FRK: variants seen among roughly 807,000 people sequenced by gnomAD.
The protein encoded by FRK is fyn related Src family tyrosine kinase, also known as tyrosine-protein kinase FRK.
Under a neutral mutation model 56.4 loss-of-function variants are expected in FRK, and 51 were observed. The observed-to-expected ratio is 0.90, with a 90% CI of 0.72 to 1.14. FRK has a LOEUF of 1.14. FRK is among the 50% of genes most tolerant of loss of function. The pLI is 0.00. For synonymous variants in FRK, 245 were observed against 217.9 expected, an observed-to-expected ratio of 1.12 and a Z score of -1.10; for missense variants, 570 against 601.4, an observed-to-expected ratio of 0.95 and a Z score of 0.55.
At chr6:116,037,355 A>G (rs1776526744) in intron 1 of FRK, among the ~76,000 whole-genome samples, 1 of 152,196 alleles carries the variant, frequency 6.6e-6, no homozygotes, top group Non-Finnish European at 1.5e-5. Context: ...AAAGTGTAAT[A>G]GATAATTTGG....
chr6:116,037,399 G>A (rs1202832897), intron 1 of FRK, among the ~76,000 whole-genome samples: 2 of 152,096 alleles, frequency 1.3e-5, no homozygotes, highest in Non-Finnish European at 2.9e-5. Flanking sequence ...GGGAAGAAAT[G>A]GGCTTAATTC....
chr6:115,992,778 G>A (rs1308660838), intron 2 of FRK, among the ~76,000 whole-genome samples: 1 of 151,698 alleles, frequency 6.6e-6, no homozygotes, highest in Non-Finnish European at 1.5e-5. Flanking sequence ...GATTAGACAA[G>A]AAATGGCTTT....
In FRK at chr6:116,060,550, A is replaced by G. The variant is rs576613930; in HGVS notation, c.-239T>C. On this transcript the variant is annotated 5_prime_UTR_variant, in exon 1 of 8. Coordinates refer to ENST00000606080, the MANE Select transcript of FRK (RefSeq NM_002031.3). ...GTGCTACCCCGAGGCAAAACTGAGC[A>G]GGAGCTGGGCAGCTGCTCACTAGGA... 1.6e-3 allele frequency: 796 copies of G among 489,204 alleles called. 1 individual carries two copies. Among genetic ancestry groups the G allele is most frequent in the Non-Finnish European group, 2.6e-3 (701 of 274,754 alleles). The allele number at this position is 489,204 out of a possible 1,614,324, so 30.3% of individuals were successfully genotyped here.
intron 5 of FRK, among the ~76,000 whole-genome samples, chr6:115,954,268 C>T (rs762274496): frequency 1.3e-5 from 2 of 152,090 alleles, no homozygotes; most frequent in Admixed American, 1.3e-4. Context: ...AAGATGAGAT[C>T]CGAGAGGGAA....
At chr6:116,100,520 C>T in the FRK span, among the ~76,000 whole-genome samples, 1 of 152,218 alleles carries the variant, frequency 6.6e-6, no homozygotes, top group Non-Finnish European at 1.5e-5. Context: ...CCGAGGCGCC[C>T]TGAGGCGATG....
chr6:116,049,985 T>C (rs1014998514), intron 1 of FRK, among the ~76,000 whole-genome samples: 2 of 152,158 alleles, frequency 1.3e-5, no homozygotes, highest in African/African-American at 4.8e-5. Flanking sequence ...TCCAACTATT[T>C]GTGTCTTCAT....
the FRK span, among the ~76,000 whole-genome samples, chr6:116,071,988 C>T: frequency 6.6e-6 from 1 of 152,024 alleles, no homozygotes; most frequent in Non-Finnish European, 1.5e-5. Flanking sequence ...GTTGAACATC[C>T]CCTGCTAGAT....
intron 1 of FRK, among the ~76,000 whole-genome samples, chr6:116,045,816 T>C (rs1324014223): frequency 1.9e-4 from 29 of 152,150 alleles, no homozygotes; most frequent in Admixed American, 1.9e-3. Flanking sequence ...CTAAAGAGCT[T>C]CTGCACAGCA....
intron 3 of FRK, among the ~76,000 whole-genome samples, chr6:115,968,196 C>T (rs961056212): frequency 6.6e-6 from 1 of 152,044 alleles, no homozygotes. Flanking sequence ...GTTACTCATT[C>T]ATTTAGTAAG....
At chr6:116,035,753 C>CT (rs1776457854) in intron 1 of FRK, among the ~76,000 whole-genome samples, 1 of 151,920 alleles carries the variant, frequency 6.6e-6, no homozygotes, top group African/African-American at 2.4e-5. Flanking sequence ...ACTGCACTCA[C>CT]TTTTTTTTCA....
At chr6:115,946,251 G>C (rs188671469) in intron 5 of FRK, among the ~76,000 whole-genome samples, 10 of 152,200 alleles carry the variant, frequency 6.6e-5, no homozygotes, top group Admixed American at 4.6e-4. Flanking sequence ...CTGGTTTGAA[G>C]CTAGAGGGCC....
At chr6:116,001,206 C>A (rs1273936838) in intron 2 of FRK, among the ~76,000 whole-genome samples, 5 of 151,382 alleles carry the variant, frequency 3.3e-5, no homozygotes, top group African/African-American at 1.2e-4. Flanking sequence ...CCACTGCACT[C>A]CAGCCTGGTC....
At chr6:115,980,359 T>C (rs1774151816) in intron 2 of FRK, among the ~76,000 whole-genome samples, 1 of 152,074 alleles carries the variant, frequency 6.6e-6, no homozygotes, top group Non-Finnish European at 1.5e-5. Context: ...ATGTAAAATG[T>C]ATTAAGTGAA....
the FRK span, among the ~76,000 whole-genome samples, chr6:116,088,033 T>A: frequency 1.3e-5 from 2 of 152,198 alleles, no homozygotes; most frequent in Non-Finnish European, 2.9e-5. Flanking sequence ...GGGTAAACAC[T>A]CAGCCTCTCC....
chr6:115,942,936 C>T, intron 7 of FRK, 84 bp downstream of exon 7: 1 of 1,376,822 alleles, frequency 7.3e-7, no homozygotes, highest in Non-Finnish European at 1.0e-6. Flanking sequence ...TAACTCTGCC[C>T]TCTAAGTCTG....
At chr6:116,084,434 T>A in the FRK span, among the ~76,000 whole-genome samples, 1 of 152,222 alleles carries the variant, frequency 6.6e-6, no homozygotes, top group Non-Finnish European at 1.5e-5. Context: ...AGCTGGGGAC[T>A]GACTGTTTTC....
intron 1 of FRK, among the ~76,000 whole-genome samples, chr6:116,024,753 T>C (rs1459942014): frequency 6.6e-6 from 1 of 152,152 alleles, no homozygotes; most frequent in Non-Finnish European, 1.5e-5. Flanking sequence ...TATAGCAGCA[T>C]GATTTATAGT....
chr6:115,988,637 C>T (rs1374802209), intron 2 of FRK, among the ~76,000 whole-genome samples: 1 of 151,930 alleles, frequency 6.6e-6, no homozygotes, highest in Non-Finnish European at 1.5e-5. Flanking sequence ...GAAAGCCCTC[C>T]AGTGGCCCAC....
At chr6:116,009,894 C>A (rs569490714) in intron 1 of FRK, among the ~76,000 whole-genome samples, 1 of 152,148 alleles carries the variant, frequency 6.6e-6, no homozygotes, top group East Asian at 1.9e-4. Context: ...GGGTAAATTA[C>A]AAATATTAGG....
Sources: gnomAD v4.1 joint callset for allele counts (sites outside exome capture counted in the v4.1 genomes callset) on GRCh38, gnomAD v4.1.1 for gene constraint, MANE v1.5 for transcripts, NCBI Gene and HGNC (gene_info 2026-07-23, HGNC 2026-07-21) for gene names.